The following ITIH1 variants were observed in gnomAD, a reference collection of about 807,000 sequenced individuals.
ITIH1 encodes the protein inter-alpha-trypsin inhibitor heavy chain H1.
A neutral mutation model predicts 104.6 loss-of-function variants in ITIH1; 94 were observed. The observed-to-expected ratio is 0.90, with a 90% CI of 0.76 to 1.07. ITIH1 has a LOEUF of 1.07. ITIH1 is among the 50% of genes least tolerant of loss of function. ITIH1 has a pLI of 0.00. For missense variants in ITIH1, 1,193 were observed against 1,181.4 expected (o/e 1.01, Z -0.14); for synonymous variants, 455 against 464.4 (o/e 0.98, Z 0.26).
Position 52,792,027 on chromosome 3 carries a change from C to A in ITIH1, c.*116C>A. 1.7e-6 allele frequency: 2 copies of A among 1,172,626 alleles called. No homozygotes were observed. Among genetic ancestry groups the A allele is most frequent in the Admixed American group, 4.9e-5 (2 of 41,218 alleles). The allele number at this position is 1,172,626 out of a possible 1,614,324, so 72.6% of individuals were successfully genotyped here. The stretch of plus-strand genomic sequence containing the variant: ...ACTAAGCTGGTTCCTTGTGTCAAAG[C>A]ACCTCATGCCTTCCATTAAAGAGAG... On this transcript the variant is annotated 3_prime_UTR_variant, in exon 22 of 22. Transcript: ENST00000273283.
chr3:52,790,862 TC>T lies in ITIH1; in HGVS notation c.2437del (p.Leu813TrpfsTer48), dbSNP rs1244849331. On this transcript the variant is annotated frameshift_variant, in exon 20 of 22. Transcript: ENST00000273283. LOFTEE classifies it high-confidence loss of function. ...VWKGSSVHQD[F>X]LGFYVLDSHR... The stretch of plus-strand genomic sequence containing the variant: ...AAGGGGAGCTCGGTCCACCAGGACT[TC>T]CTGGGCTTCTATGTGCTGGACAGTC... 7.4e-6 allele frequency: 12 copies of T among 1,612,776 alleles called. No individual in the cohort carries two copies. Among genetic ancestry groups the T allele is most frequent in the Non-Finnish European group, 1.0e-5 (12 of 1,179,516 alleles).
At chr3:52,778,133 AG>A in intron 2 of ITIH1, 116 bp downstream of exon 2, 2 of 1,279,848 alleles carry the variant, frequency 1.6e-6, no homozygotes, top group Non-Finnish European at 2.3e-6. Context: ...GGTACTCTCC[AG>A]GGTCCTAGAA....
At position 52,777,608 on chromosome 3, in the gene ITIH1, C is replaced by G. The variant is rs1337182691; in HGVS notation, c.-8C>G. 1 of 1,557,486 alleles carries G rather than the reference C, an allele frequency of 6.4e-7. No individual in the cohort carries two copies. The highest frequency in any genetic ancestry group is 2.0e-5 in the Admixed American group (1 of 50,128). Reference sequence around the variant, plus strand: ...ACTGAGGTGACAGGGCAGCAGGAGCCTTAGAGCATGGACGGTGCCATGGGG... The same window carrying G: ...ACTGAGGTGACAGGGCAGCAGGAGCGTTAGAGCATGGACGGTGCCATGGGG... On this transcript the variant is annotated 5_prime_UTR_variant, in exon 1 of 22. Coordinates refer to ENST00000273283, the MANE Select transcript of ITIH1 (RefSeq NM_002215.4).
chr3:52,783,241 G>C lies in ITIH1; in HGVS notation c.1127G>C (p.Arg376Pro). 1 of 1,614,084 alleles carries C rather than the reference G, an allele frequency of 6.2e-7. No homozygotes were observed. Among genetic ancestry groups the C allele is most frequent in the Non-Finnish European group, 8.5e-7 (1 of 1,180,020 alleles). ...EATNLNGGLL[R>P]GIEILNQVQE... ...ACAAACCTGAATGGAGGTTTGCTCC[G>C]GGGAATTGAGATCTTGAACCAAGTT... Residue 376 changes from arginine (R) to proline (P), a missense_variant, in exon 10 of 22, where the codon CGG becomes CCG. Physicochemically the swap from Arg to Pro is moderately radical, Grantham distance 103. Transcript: ENST00000273283.
chr3:52,781,855 ACG>A, intron 6 of ITIH1, 83 bp from the exon 7 acceptor site: 3 of 1,529,400 alleles, frequency 2.0e-6, no homozygotes, highest in Non-Finnish European at 2.7e-6. Flanking sequence ...ACACACACAC[ACG>A]CATGCCTTCT....
At chr3:52,780,518 G>A in intron 6 of ITIH1, 136 bp downstream of exon 6, 2 of 629,664 alleles carry the variant, frequency 3.2e-6, no homozygotes, top group Admixed American at 3.0e-5. Context: ...AGAAGCTGGT[G>A]TCATGTGATT....
chr3:52,782,313 C>T, intron 8 of ITIH1, 46 bp downstream of exon 8: 1 of 1,425,528 alleles, frequency 7.0e-7, no homozygotes, highest in Admixed American at 1.7e-5. Flanking sequence ...GCTTCCACAG[C>T]CCCATCACTC....
Position 52,788,375 on chromosome 3 carries a change from A to G in ITIH1, c.2119+30A>G, listed in dbSNP as rs200746502. 156 of 1,372,370 alleles carry G rather than the reference A, an allele frequency of 1.1e-4. 2 individuals carry two copies. The Admixed American group carries it at 2.9e-3, about 26-fold the overall frequency. The allele number at this position is 1,372,370 out of a possible 1,614,324, so 85.0% of individuals were successfully genotyped here. A position where few individuals can be genotyped will look rare whatever the true frequency, so the allele number is the denominator to read the frequency against. ...GGCGGGCATCACACCTCTGCCAGAC[A>G]GGGCCAGGGCTCCTCTGCCCTCAAC... is the stretch of plus-strand genomic sequence containing the variant. On this transcript the variant is annotated intron_variant, in intron 18 of 21. Transcript: ENST00000273283.
At position 52,778,411 on chromosome 3, in the gene ITIH1, T is replaced by C. The variant is rs1159952474; in HGVS notation, c.210T>C (p.Val70=). ...TCACCTCTCGCTTCGCCCACTATGT[T>C]GTCACCAGCCAAGTGGTCAACACTG... The part of the protein sequence containing the change: ...CKVTSRFAHY[V]VTSQVVNTAN... Residue 70 remains valine (V), a synonymous_variant, in exon 3 of 22, where the codon GTT becomes GTC. Transcript: ENST00000273283. The C allele has an allele frequency of 6.2e-7, 1 of 1,614,242 alleles. No homozygotes were observed. Among genetic ancestry groups the C allele is most frequent in the Non-Finnish European group, 8.5e-7 (1 of 1,180,036 alleles).
At position 52,777,600 on chromosome 3, in the gene ITIH1, G is replaced by A. The variant is rs1336952812; in HGVS notation, c.-16G>A. On this transcript the variant is annotated 5_prime_UTR_variant, in exon 1 of 22. Transcript: ENST00000273283. ...CTGGTCTGACTGAGGTGACAGGGCA[G>A]CAGGAGCCTTAGAGCATGGACGGTG... 3.3e-6 allele frequency: 5 copies of A among 1,534,056 alleles called. No homozygotes were observed. The East Asian group carries it at 9.0e-5, about 28-fold the overall frequency.
Position 52,791,582 on chromosome 3 carries a change from C to T in ITIH1, c.2560C>T (p.Pro854Ser). The T allele has an allele frequency of 6.2e-7, 1 of 1,614,124 alleles. No homozygotes were observed. The highest frequency in any genetic ancestry group is 2.2e-5 in the East Asian group (1 of 44,874). ...DIHPGSDPTK[P>S]DATMVVRNRR... Reference sequence around the variant, plus strand: ...CCACCCAGGCTCTGACCCCACAAAGCCAGATGCCACGATGGTGGTGAGGAA... The same window carrying T: ...CCACCCAGGCTCTGACCCCACAAAGTCAGATGCCACGATGGTGGTGAGGAA... The change falls in exon 21 of 22, where the codon CCA (proline) becomes TCA (serine). Residue 854 changes from proline (P) to serine (S), a missense_variant. Physicochemically the swap from Pro to Ser is moderately conservative, Grantham distance 74. Coordinates refer to ENST00000273283, the MANE Select transcript of ITIH1 (RefSeq NM_002215.4).
chr3:52,783,416 C>T, intron 10 of ITIH1, 77 bp downstream of exon 10: 1 of 1,514,774 alleles, frequency 6.6e-7, no homozygotes, highest in African/African-American at 1.4e-5. Context: ...GTTGGAAACC[C>T]AACCATTGGA....
chr3:52,780,865 C>T (rs1699017593), intron 6 of ITIH1, among the ~76,000 whole-genome samples: 1 of 152,240 alleles, frequency 6.6e-6, no homozygotes, highest in Non-Finnish European at 1.5e-5. Flanking sequence ...AAGCCCCTGG[C>T]TCACCCCCAC....
At chr3:52,777,883 A>T (rs536180797) in intron 1 of ITIH1, 114 bp from the exon 2 acceptor site, 1 of 1,421,748 alleles carries the variant, frequency 7.0e-7, no homozygotes, top group Admixed American at 1.7e-5. Context: ...ACCACCAAGG[A>T]GGTGAAGCTA....
intron 16 of ITIH1, 136 bp downstream of exon 16, chr3:52,787,748 C>T: frequency 9.2e-7 from 1 of 1,089,050 alleles, no homozygotes; most frequent in Non-Finnish European, 1.4e-6. Context: ...AACAGCCTGG[C>T]CTCCCCAGCC....
rs768999265 is a variant in ITIH1, at chr3:52,783,028, G to A, written c.1002G>A (p.Gly334=). ...ACTACTTTGACCTGGTTCTTTTTGG[G>A]ACTCGAGTACAATCGTGGAAGGGCT... ...PGDYFDLVLF[G]TRVQSWKGSL... Residue 334 remains glycine, a synonymous_variant, in exon 9 of 22, where the codon GGG becomes GGA. Coordinates refer to ENST00000273283, the MANE Select transcript of ITIH1 (RefSeq NM_002215.4). 24 of 1,613,922 alleles carry A rather than the reference G, an allele frequency of 1.5e-5. No homozygotes were observed. The South Asian group carries it at 2.4e-4, about 16-fold the overall frequency.
chr3:52,781,259 CTT>C (rs1699044490), intron 6 of ITIH1, among the ~76,000 whole-genome samples: 1 of 128,188 alleles, frequency 7.8e-6, no homozygotes, highest in Non-Finnish European at 1.6e-5. Flanking sequence ...TCTTCTTCTT[CTT>C]CTTCTTCTTC....
intron 18 of ITIH1, 95 bp from the exon 19 acceptor site, chr3:52,789,558 A>T: frequency 9.3e-7 from 1 of 1,071,460 alleles, no homozygotes; most frequent in Non-Finnish European, 1.4e-6. Context: ...TGGCACAGGC[A>T]GGGCGTAGAG....
At chr3:52,787,239 T>G (rs2154108628) in intron 15 of ITIH1, 37 bp downstream of exon 15, 2 of 1,613,308 alleles carry the variant, frequency 1.2e-6, no homozygotes, top group Middle Eastern at 1.9e-4. Flanking sequence ...GTTCTGGGCT[T>G]CGGTAGCTGG....
Sources: gnomAD v4.1 joint callset for allele counts (sites outside exome capture counted in the v4.1 genomes callset) on GRCh38, gnomAD v4.1.1 for gene constraint, MANE v1.5 for transcripts, NCBI Gene and HGNC (gene_info 2026-07-23, HGNC 2026-07-21) for gene names.